Variants in PPFIA3 observed in about 807,000 individuals in gnomAD.
The protein encoded by PPFIA3 is PPFI scaffold protein A3.
A neutral mutation model predicts 145.8 loss-of-function variants in PPFIA3; 26 were observed. The observed-to-expected ratio is 0.18, with a 90% confidence interval of 0.13 to 0.25. The LOEUF (loss-of-function observed/expected upper bound fraction) is 0.25, where lower values mean the gene tolerates loss of function less well. Ranked by LOEUF, PPFIA3 falls within the 10% of genes least tolerant of loss-of-function variation. The pLI, the probability that PPFIA3 is intolerant of heterozygous loss-of-function variation, is 1.00. For synonymous variants in PPFIA3, 645 were observed against 661.4 expected (o/e 0.98, Z 0.38); for missense variants, 1,008 against 1,587.8 (o/e 0.63, Z 6.21).
In PPFIA3 at chr19:49,149,707, T is replaced by C. The variant is rs778436865; in HGVS notation, c.3515T>C (p.Leu1172Pro). ...TCTCCGGGGCTCCCTCTCCGCAAGCTGCAGCCAGAAGGTGGGGGGCTCCCA... is the reference window on the plus strand; with the variant it reads ...TCTCCGGGGCTCCCTCTCCGCAAGCCGCAGCCAGAAGGTGGGGGGCTCCCA... ...LGSPGLPLRK[L>P]QPEGQTSGSS... The change falls in exon 28 of 30, where the codon CTG becomes CCG. Residue 1172 changes from leucine to proline, a missense_variant. By Grantham distance (98) the Leu-to-Pro change is moderately conservative. Coordinates refer to ENST00000334186, the MANE Select transcript of PPFIA3 (RefSeq NM_003660.4). This position sits in a 1 kb window ranked among gnomAD's most constrained non-coding sequence, Gnocchi z 5.7. 6.2e-7 allele frequency: 1 copy of C among 1,609,626 alleles called. No individual in the cohort carries two copies. The highest frequency in any genetic ancestry group is 8.5e-7 in the Non-Finnish European group (1 of 1,177,762).
rs946106062 is a variant in PPFIA3, at chr19:49,149,462, G to T, written c.3355-85G>T. 6 of 1,588,866 alleles carry T rather than the reference G, an allele frequency of 3.8e-6. No homozygotes were observed. In the African/African-American group the frequency reaches 4.0e-5, roughly 11 times the overall value. ...AGGGGCGGGGTTAAAGGAGAGGTGA[G>T]ACCCGGAGAGGGGTGGAGTCAAAGG... On this transcript the variant is annotated intron_variant, in intron 27 of 29. Coordinates refer to ENST00000334186, the MANE Select transcript of PPFIA3 (RefSeq NM_003660.4). The surrounding 1 kb of genome is among the most constrained non-coding windows in gnomAD (Gnocchi z 5.7).
At chr19:49,123,185 C>A (rs1029727067) in intron 1 of PPFIA3, among the ~76,000 whole-genome samples, 1 of 151,946 alleles carries the variant, frequency 6.6e-6, no homozygotes, top group Non-Finnish European at 1.5e-5. Context: ...CATGCCACCA[C>A]GCCTGGCTAA....
rs746842756 is a variant in PPFIA3, at chr19:49,149,624, C to T, written c.3432C>T (p.Pro1144=). ...AGAAGGACCTCCGAGGCGTAACTCC[C>T]GACTCAGCTGAGATGTTGCCCCCCA... ...FREKDLRGVT[P]DSAEMLPPNF... Residue 1144 remains proline, a synonymous_variant, in exon 28 of 30, where the codon CCC becomes CCT. Transcript: ENST00000334186. This position sits in a 1 kb window ranked among gnomAD's most constrained non-coding sequence, Gnocchi z 5.7. 5 of 1,614,084 alleles carry T rather than the reference C, an allele frequency of 3.1e-6. No homozygotes were observed. In the South Asian group the frequency reaches 4.4e-5, roughly 14 times the overall value.
At chr19:49,145,212 G>C (rs1252387521) in intron 21 of PPFIA3, among the ~76,000 whole-genome samples, 2 of 151,990 alleles carry the variant, frequency 1.3e-5, no homozygotes, top group Non-Finnish European at 2.9e-5. Flanking sequence ...ACCACTCTCA[G>C]CCTAATTTTT....
At chr19:49,148,866 T>C in intron 25 of PPFIA3, 103 bp downstream of exon 25, 3 of 1,465,432 alleles carry the variant, frequency 2.0e-6, no homozygotes, top group East Asian at 4.6e-5. Flanking sequence ...ATTGGCACCA[T>C]AACCGTGGGG....
intron 18 of PPFIA3, 53 bp downstream of exon 18, chr19:49,140,141 C>A: frequency 1.3e-6 from 2 of 1,573,732 alleles, no homozygotes; most frequent in Non-Finnish European, 8.7e-7. Context: ...CCCTTCCTCC[C>A]TCCCTTTCTT....
chr19:49,150,934 G>A lies in PPFIA3; in HGVS notation c.*712G>A, dbSNP rs2041342776. 4.6e-6 allele frequency: 1 copy of A among 216,872 alleles called. No individual in the cohort carries two copies. The highest frequency in any genetic ancestry group is 9.3e-5 in the East Asian group (1 of 10,712). 13.4% of individuals were successfully genotyped at this position (216,872 alleles called of 1,614,324 possible). Reference sequence around the variant, plus strand: ...GGGCGACGTGGCGTGGGGGCAGGGGGACGGTGGGGGAGCCCTCGCCCCCGA... The same window carrying A: ...GGGCGACGTGGCGTGGGGGCAGGGGAACGGTGGGGGAGCCCTCGCCCCCGA... On this transcript the variant is annotated 3_prime_UTR_variant, in exon 30 of 30. Transcript: ENST00000334186.
At chr19:49,140,296 G>A (rs1023667757) in intron 18 of PPFIA3, among the ~76,000 whole-genome samples, 2 of 152,108 alleles carry the variant, frequency 1.3e-5, no homozygotes, top group African/African-American at 2.4e-5. Context: ...TTGGGTGACT[G>A]GGTAGGTAAA....
At chr19:49,143,479 TCTC>T (rs759576628) in intron 21 of PPFIA3, among the ~76,000 whole-genome samples, 18 of 152,212 alleles carry the variant, frequency 1.2e-4, no homozygotes, top group Admixed American at 4.6e-4. Context: ...TTCAAGCCAT[TCTC>T]CTGTCTCAGC....
In PPFIA3 at chr19:49,150,472, C is replaced by T. The variant is rs2041335330; in HGVS notation, c.*250C>T. On this transcript the variant is annotated 3_prime_UTR_variant, in exon 30 of 30. Transcript: ENST00000334186. Reference sequence around the variant, plus strand: ...AGGAAGAAATCCCGCCCCAAACGTCCGCTTTCCTTTTCTCTACTTTGTAAT... The same window carrying T: ...AGGAAGAAATCCCGCCCCAAACGTCTGCTTTCCTTTTCTCTACTTTGTAAT... 1 of 256,148 alleles carries T rather than the reference C, an allele frequency of 3.9e-6. No individual in the cohort carries two copies. Among genetic ancestry groups the T allele is most frequent in the Admixed American group, 5.3e-5 (1 of 18,848 alleles). The allele number at this position is 256,148 out of a possible 1,614,324, so 15.9% of individuals were successfully genotyped here. A position where few individuals can be genotyped will look rare whatever the true frequency, so the allele number is the denominator to read the frequency against.
intron 1 of PPFIA3, chr19:49,125,393 G>C (rs2040984899): frequency 6.6e-6 from 1 of 152,388 alleles, no homozygotes; most frequent in Admixed American, 6.5e-5. Flanking sequence ...GGAACTGAGT[G>C]AAAGTCCCTC....
At chr19:49,131,518 CT>C (rs2041072545) in intron 7 of PPFIA3, among the ~76,000 whole-genome samples, 2 of 151,882 alleles carry the variant, frequency 1.3e-5, no homozygotes, top group South Asian at 4.2e-4. Flanking sequence ...TCACCCCTTT[CT>C]GGCTTAGGCC....
chr19:49,133,702 G>T lies in PPFIA3; in HGVS notation c.1162-94G>T, dbSNP rs967988961. 24 of 1,338,420 alleles carry T rather than the reference G, an allele frequency of 1.8e-5. No homozygotes were observed. In the Middle Eastern group the frequency reaches 7.4e-4, roughly 41 times the overall value. The allele number at this position is 1,338,420 out of a possible 1,614,324, so 82.9% of individuals were successfully genotyped here. On this transcript the variant is annotated intron_variant, in intron 9 of 29. Coordinates refer to ENST00000334186, the MANE Select transcript of PPFIA3 (RefSeq NM_003660.4). The surrounding 1 kb of genome is among the most constrained non-coding windows in gnomAD (Gnocchi z 7.2). ...CAGGGGAGGAGCCTGGCGCTGTGGG[G>T]GCGGAGCCTGGCGCTCAGCCTTGGA...
chr19:49,137,763 C>T (rs768844950), intron 15 of PPFIA3, among the ~76,000 whole-genome samples: 3 of 151,888 alleles, frequency 2.0e-5, no homozygotes, highest in Non-Finnish European at 2.9e-5. Context: ...CATGAGCCTT[C>T]GGCAAATATA....
At position 49,140,057 on chromosome 19, in the gene PPFIA3, G is replaced by T. The variant is rs760415347; in HGVS notation, c.2337G>T (p.Met779Ile). ...TTGGCAAGAAAGAGAAGGGACGAAT[G>T]GGACCCCCAGGCCGGGACAGCTCTT... ...RLFGKKEKGRMGPPGRDSSSL... is the reference protein window; with the variant it reads ...RLFGKKEKGRIGPPGRDSSSL... The change falls in exon 18 of 30, where the codon ATG becomes ATT. Residue 779 changes from methionine to isoleucine, a missense_variant. This residue lies in a region of PPFIA3 where 202 missense variants were observed against 241.8 expected (regional missense o/e 0.84). Transcript: ENST00000334186. 2 of 1,614,134 alleles carry T rather than the reference G, an allele frequency of 1.2e-6. No individual in the cohort carries two copies. Among genetic ancestry groups the T allele is most frequent in the South Asian group, 2.2e-5 (2 of 91,074 alleles).
Position 49,149,385 on chromosome 19 carries a change from G to A in PPFIA3, c.3354+60G>A. ...CAGCGGCTCCTCGAGAGGCTGAGCTGAGGGGGCGGGGCCTGACTATTAATG... is the reference window on the plus strand; with the variant it reads ...CAGCGGCTCCTCGAGAGGCTGAGCTAAGGGGGCGGGGCCTGACTATTAATG... On this transcript the variant is annotated intron_variant, in intron 27 of 29. Transcript: ENST00000334186. This position sits in a 1 kb window ranked among gnomAD's most constrained non-coding sequence, Gnocchi z 5.7. 6.2e-7 allele frequency: 1 copy of A among 1,603,784 alleles called. No homozygotes were observed. The highest frequency in any genetic ancestry group is 1.7e-5 in the Admixed American group (1 of 59,844).
In PPFIA3 at chr19:49,129,917, AG is replaced by A; in HGVS notation, c.583-73del. On this transcript the variant is annotated intron_variant, in intron 5 of 29. Transcript: ENST00000334186. ...CATATGGGGCCGCCTATCCCCTTAGAGGGCCAATGCCAGTGAGAACTAGAGC... is the reference window on the plus strand; with the variant it reads ...CATATGGGGCCGCCTATCCCCTTAGAGGCCAATGCCAGTGAGAACTAGAGC... The A allele has an allele frequency of 6.6e-6, 10 of 1,503,838 alleles. No homozygotes were observed. In the South Asian group the frequency reaches 1.0e-4, roughly 15 times the overall value. The allele number at this position is 1,503,838 out of a possible 1,614,324, so 93.2% of individuals were successfully genotyped here.
In PPFIA3 at chr19:49,133,336, G is replaced by A. The variant is rs866478108; in HGVS notation, c.1126G>A (p.Ala376Thr). ...QKAETLPEIE[A>T]QLAQRVAALN... ...AGCGGAGACCTTGCCCGAGATAGAG[G>A]CGCAGCTGGCGCAGCGCGTGGCGGC... The change falls in exon 9 of 30, where the codon GCG (alanine) becomes ACG (threonine). Residue 376 changes from alanine (A) to threonine (T), a missense_variant. Ala to Thr is a moderately conservative substitution (Grantham distance 58). Coordinates refer to ENST00000334186, the MANE Select transcript of PPFIA3 (RefSeq NM_003660.4). This position sits in a 1 kb window ranked among gnomAD's most constrained non-coding sequence, Gnocchi z 7.2. 5 of 1,607,750 alleles carry A rather than the reference G, an allele frequency of 3.1e-6. No individual in the cohort carries two copies. The highest frequency in any genetic ancestry group is 4.2e-6 in the Non-Finnish European group (5 of 1,177,738).
rs1366985688 is a variant in PPFIA3, at chr19:49,127,779, G to C, written c.-15-80G>C. 42 of 1,513,062 alleles carry C rather than the reference G, an allele frequency of 2.8e-5. No homozygotes were observed. In the East Asian group the frequency reaches 1.0e-3, roughly 36 times the overall value. 93.7% of individuals were successfully genotyped at this position (1,513,062 alleles called of 1,614,324 possible). ...TTGCCCCCAACTATTTCCCCTACGT[G>C]GTATCCGAGTGGCTGTGCCTCAGTT... On this transcript the variant is annotated intron_variant, in intron 1 of 29. Transcript: ENST00000334186.
Sources: gnomAD v4.1 joint callset for allele counts (sites outside exome capture counted in the v4.1 genomes callset) on GRCh38, gnomAD v4.1.1 for gene constraint, gnomAD v4.1.1 regional missense constraint, Gnocchi (gnomAD v3.1) non-coding constraint, MANE v1.5 for transcripts, NCBI Gene and HGNC (gene_info 2026-07-23, HGNC 2026-07-21) for gene names.